Variants in DENND2B observed in about 807,000 individuals in gnomAD.
The protein encoded by DENND2B is DENN domain containing 2B.
In DENND2B, 32 loss-of-function variants were observed where a neutral mutation model predicts 116.0. That is an observed-to-expected ratio of 0.28 (90% CI 0.21 to 0.37). The LOEUF (loss-of-function observed/expected upper bound fraction) is 0.37. DENND2B is among the 10% of genes least tolerant of loss of function. The pLI, the probability that DENND2B is intolerant of heterozygous loss-of-function variation, is 1.00. For synonymous variants in DENND2B, 588 were observed against 583.9 expected (o/e 1.01, Z -0.10); for missense variants, 1,276 against 1,477.7 (o/e 0.86, Z 2.24).
chr11:8,737,298 A>G (rs2049228503), intron 2 of DENND2B, among the ~76,000 whole-genome samples: 1 of 152,210 alleles, frequency 6.6e-6, no homozygotes, highest in African/African-American at 2.4e-5. Context: ...CTGGACAAGG[A>G]AGAAGAACTA....
chr11:8,730,533 AAG>A lies in DENND2B; in HGVS notation c.755_756del (p.Ser252PhefsTer12). 1 of 1,613,158 alleles carries A rather than the reference AAG, an allele frequency of 6.2e-7. No homozygotes were observed. Among genetic ancestry groups the A allele is most frequent in the Non-Finnish European group, 8.5e-7 (1 of 1,180,022 alleles). On this transcript the variant is annotated frameshift_variant, in exon 3 of 20. Transcript: ENST00000313726. LOFTEE classifies it high-confidence loss of function. The surrounding 1 kb of genome is among the most constrained non-coding windows in gnomAD (Gnocchi z 4.1). The stretch of plus-strand genomic sequence containing the variant: ...CCCAGCCGTTTCTCCAGCCGGTAGA[AAG>A]AGTCCCGGACAGGGAGCGCCTCTCC... ...EEGEALPVRD[S>X]FYRLEKRLGR...
At chr11:8,772,208 T>C (rs1042844137) in intron 1 of DENND2B, among the ~76,000 whole-genome samples, 2 of 152,030 alleles carry the variant, frequency 1.3e-5, no homozygotes, top group Admixed American at 1.3e-4. Flanking sequence ...TCCTGAGTTG[T>C]ATCCTTAATA....
chr11:8,754,934 G>T (rs2053345239), intron 1 of DENND2B, among the ~76,000 whole-genome samples: 1 of 152,160 alleles, frequency 6.6e-6, no homozygotes, highest in South Asian at 2.1e-4. Context: ...AAATGTTCTA[G>T]AATTAGATAG....
intron 1 of DENND2B, chr11:8,776,316 C>G (rs2057725314): frequency 2.2e-6 from 1 of 444,466 alleles, no homozygotes; most frequent in South Asian, 1.6e-5. Context: ...TTATCCAACT[C>G]CTAGTATGCT....
At chr11:8,859,406 C>A (rs1470422337) in intron 2 of DENND2B, among the ~76,000 whole-genome samples, 1 of 152,114 alleles carries the variant, frequency 6.6e-6, no homozygotes, top group Non-Finnish European at 1.5e-5. Context: ...CTCCCGGGTT[C>A]ACGCCATTCT....
At chr11:8,724,225 T>C (rs963382415) in intron 4 of DENND2B, among the ~76,000 whole-genome samples, 1 of 150,456 alleles carries the variant, frequency 6.6e-6, no homozygotes. Context: ...GAACCCGGGA[T>C]GCGGAGCTTG....
At chr11:8,710,382 A>C (rs1418245996) in intron 11 of DENND2B, among the ~76,000 whole-genome samples, 1 of 151,892 alleles carries the variant, frequency 6.6e-6, no homozygotes, top group Non-Finnish European at 1.5e-5. Flanking sequence ...GCCCCACCAC[A>C]CCACAGAAAG....
At chr11:8,709,139 T>C (rs957239771) in intron 11 of DENND2B, among the ~76,000 whole-genome samples, 4 of 152,124 alleles carry the variant, frequency 2.6e-5, no homozygotes, top group African/African-American at 9.7e-5. Flanking sequence ...GCTAAGCAAA[T>C]GCAGATGGGG....
chr11:8,718,296 G>C (rs1035558535), intron 4 of DENND2B: 2 of 1,392,792 alleles, frequency 1.4e-6, no homozygotes, highest in Non-Finnish European at 2.0e-6. Context: ...AAGGTAGGAA[G>C]GGTTTTCAGG....
At chr11:8,870,503 G>C (rs571884489) in intron 2 of DENND2B, among the ~76,000 whole-genome samples, 2 of 134,176 alleles carry the variant, frequency 1.5e-5, no homozygotes, top group Admixed American at 7.8e-5. Flanking sequence ...TGTGTTGTGC[G>C]TGTGTATGTG....
At chr11:8,830,209 C>T (rs2062148913) in intron 4 of DENND2B, among the ~76,000 whole-genome samples, 1 of 152,172 alleles carries the variant, frequency 6.6e-6, no homozygotes, top group African/African-American at 2.4e-5. Context: ...GAGCTCAGGT[C>T]CCTGGCTCTG....
intron 3 of DENND2B, among the ~76,000 whole-genome samples, chr11:8,853,184 T>G (rs912239394): frequency 1.3e-5 from 2 of 151,822 alleles, no homozygotes; most frequent in African/African-American, 2.4e-5. Flanking sequence ...GCCAACATGG[T>G]AAACCCCGTC....
chr11:8,693,815 T>G lies in DENND2B; in HGVS notation c.*281A>C, dbSNP rs1483716348. The G allele has an allele frequency of 2.9e-6, 1 of 349,108 alleles. No individual in the cohort carries two copies. The highest frequency in any genetic ancestry group is 5.2e-6 in the Non-Finnish European group (1 of 191,600). The allele number at this position is 349,108 out of a possible 1,614,324, so 21.6% of individuals were successfully genotyped here. ...GCCAGTCACGAGCACCCAGCGAAAC[T>G]TCATCCATGCTCTGGCAGGACAGGA... On this transcript the variant is annotated 3_prime_UTR_variant, in exon 20 of 20. Transcript: ENST00000313726.
intron 1 of DENND2B, among the ~76,000 whole-genome samples, chr11:8,881,511 T>A (rs1468470976): frequency 1.3e-5 from 2 of 152,176 alleles, no homozygotes; most frequent in African/African-American, 2.4e-5. Flanking sequence ...TATGATTTTT[T>A]AATTTCCAAA....
intron 2 of DENND2B, among the ~76,000 whole-genome samples, chr11:8,736,642 G>A (rs1270297049): frequency 6.6e-6 from 1 of 152,214 alleles, no homozygotes; most frequent in East Asian, 1.9e-4. Flanking sequence ...AGTGAGCAAT[G>A]TGTCTATCCA....
rs1021008529 is a variant in DENND2B at position 8,697,930 on chromosome 11, G to A, written c.2941-294C>T. 8.5e-5 allele frequency: 42 copies of A among 496,196 alleles called. No individual in the cohort carries two copies. In the East Asian group the frequency reaches 1.9e-3, roughly 23 times the overall value. 30.7% of individuals were successfully genotyped at this position (496,196 alleles called of 1,614,324 possible). ...ATCGCTTGAGCCCAGGAGGGAGTTCGAGACCAGCCTGGGCAACTTAGCAGG... is the reference window on the plus strand; with the variant it reads ...ATCGCTTGAGCCCAGGAGGGAGTTCAAGACCAGCCTGGGCAACTTAGCAGG... On this transcript the variant is annotated intron_variant, in intron 16 of 19. Transcript: ENST00000313726.
chr11:8,853,034 G>A (rs2063064288), intron 3 of DENND2B, among the ~76,000 whole-genome samples: 1 of 152,190 alleles, frequency 6.6e-6, no homozygotes, highest in African/African-American at 2.4e-5. Context: ...TAGATCACCA[G>A]GGCTCTGTCC....
intron 4 of DENND2B, among the ~76,000 whole-genome samples, chr11:8,725,374 ACT>A (rs1565735324): frequency 6.4e-5 from 9 of 140,154 alleles, no homozygotes; most frequent in Non-Finnish European, 7.7e-5. Context: ...ATGAAATATT[ACT>A]TTTTTTTTTT....
intron 1 of DENND2B, among the ~76,000 whole-genome samples, chr11:8,771,437 A>G (rs1380960963): frequency 6.6e-6 from 1 of 152,004 alleles, no homozygotes; most frequent in Non-Finnish European, 1.5e-5. Flanking sequence ...ACTGTGAGAT[A>G]AATATATCTA....
Sources: gnomAD v4.1 joint callset for allele counts (sites outside exome capture counted in the v4.1 genomes callset) on GRCh38, gnomAD v4.1.1 for gene constraint, Gnocchi (gnomAD v3.1) non-coding constraint, MANE v1.5 for transcripts, NCBI Gene and HGNC (gene_info 2026-07-23, HGNC 2026-07-21) for gene names.